The following NPAS3 variants were observed in gnomAD, a reference collection of about 807,000 sequenced individuals.
NPAS3 encodes neuronal PAS domain protein 3.
In NPAS3, 14 loss-of-function variants were observed where a neutral mutation model predicts 73.1. That is an observed-to-expected ratio of 0.19 (90% CI 0.13 to 0.30). The LOEUF is 0.30. Ranked by LOEUF, NPAS3 falls within the 10% of genes least tolerant of loss-of-function variation. The pLI is 1.00. For synonymous variants in NPAS3, 620 were observed against 541.5 expected (o/e 1.14, Z -2.01); for missense variants, 1,096 against 1,250.0 (o/e 0.88, Z 1.86).
chr14:33,116,888 T>A (rs2043083109), intron 2 of NPAS3, among the ~76,000 whole-genome samples: 1 of 152,160 alleles, frequency 6.6e-6, no homozygotes, highest in African/African-American at 2.4e-5. Flanking sequence ...TCCAACCATA[T>A]GCCCAGGAAG....
chr14:33,643,375 TAAA>T (rs755879056), intron 5 of NPAS3, among the ~76,000 whole-genome samples: 15 of 94,634 alleles, frequency 1.6e-4, no homozygotes, highest in East Asian at 3.1e-4. Context: ...AAATAAAAAT[TAAA>T]AAAAAAAAAA....
chr14:33,063,943 T>C (rs2041195016), intron 2 of NPAS3, among the ~76,000 whole-genome samples: 1 of 152,178 alleles, frequency 6.6e-6, no homozygotes, highest in Non-Finnish European at 1.5e-5. Context: ...TCATAATGAC[T>C]ATGGAGATGT....
intron 5 of NPAS3, among the ~76,000 whole-genome samples, chr14:33,599,362 G>A (rs2057335729): frequency 6.6e-6 from 1 of 152,038 alleles, no homozygotes; most frequent in Admixed American, 6.6e-5. Flanking sequence ...TGTACTCATG[G>A]GAAGTCGTAT....
intron 1 of NPAS3, among the ~76,000 whole-genome samples, chr14:32,985,355 C>A (rs1479236875): frequency 6.6e-6 from 1 of 152,066 alleles, no homozygotes; most frequent in Non-Finnish European, 1.5e-5. Context: ...AGTCAGAAAT[C>A]TATAGTACAC....
chr14:33,719,259 C>G (rs1160263326), intron 6 of NPAS3, among the ~76,000 whole-genome samples: 1 of 152,132 alleles, frequency 6.6e-6, no homozygotes, highest in Admixed American at 6.5e-5. Flanking sequence ...TGTTGTTATT[C>G]CAGGATGGGA....
intron 3 of NPAS3, among the ~76,000 whole-genome samples, chr14:33,327,793 T>C (rs2043778882): frequency 6.6e-6 from 1 of 152,178 alleles, no homozygotes; most frequent in African/African-American, 2.4e-5. Context: ...ATAAAGTTAC[T>C]GCAGTTGGCT....
chr14:33,268,533 T>C (rs1219209809), intron 3 of NPAS3, among the ~76,000 whole-genome samples: 1 of 152,142 alleles, frequency 6.6e-6, no homozygotes, highest in Admixed American at 6.5e-5. Flanking sequence ...TCTCCTTTAT[T>C]GTATCTCTTT....
At chr14:33,402,151 A>G (rs570157935) in intron 4 of NPAS3, among the ~76,000 whole-genome samples, 6 of 152,136 alleles carry the variant, frequency 3.9e-5, no homozygotes, top group Admixed American at 2.6e-4. Context: ...TACATATCTC[A>G]TGACAACTGA....
chr14:33,314,885 A>G (rs2043146220), intron 3 of NPAS3, among the ~76,000 whole-genome samples: 1 of 152,128 alleles, frequency 6.6e-6, no homozygotes, highest in African/African-American at 2.4e-5. Flanking sequence ...TGTGGTTTCT[A>G]CTGGCTGGCT....
chr14:33,109,182 A>G (rs1412119765), intron 2 of NPAS3, among the ~76,000 whole-genome samples: 1 of 152,156 alleles, frequency 6.6e-6, no homozygotes, highest in Non-Finnish European at 1.5e-5. Flanking sequence ...GTGTCACAGA[A>G]GGGGTACTTT....
At chr14:33,220,612 G>A (rs1435535611) in intron 3 of NPAS3, among the ~76,000 whole-genome samples, 4 of 152,148 alleles carry the variant, frequency 2.6e-5, no homozygotes, top group Non-Finnish European at 5.9e-5. Context: ...GGCAGGAAGG[G>A]CTTTCTGACA....
At chr14:33,385,333 C>T (rs534553967) in intron 4 of NPAS3, among the ~76,000 whole-genome samples, 7 of 152,088 alleles carry the variant, frequency 4.6e-5, no homozygotes, top group East Asian at 1.9e-4. Context: ...TTATCTGCCA[C>T]GATGCATTTT....
intron 6 of NPAS3, among the ~76,000 whole-genome samples, chr14:33,688,607 A>G (rs541927335): frequency 3.3e-5 from 5 of 152,230 alleles, no homozygotes; most frequent in African/African-American, 1.2e-4. Flanking sequence ...TTCTCATCAG[A>G]CCTCAGGGTG....
At chr14:33,618,877 G>C (rs1368615915) in intron 5 of NPAS3, among the ~76,000 whole-genome samples, 1 of 152,188 alleles carries the variant, frequency 6.6e-6, no homozygotes, top group African/African-American at 2.4e-5. Flanking sequence ...GTTGAAGAAG[G>C]CTCATGACCA....
At chr14:33,686,455 GATCAT>G (rs2060091791) in intron 6 of NPAS3, among the ~76,000 whole-genome samples, 9 of 152,070 alleles carry the variant, frequency 5.9e-5, no homozygotes, top group Admixed American at 5.2e-4. Context: ...CTTCCTTGAG[GATCAT>G]ATTTTATGAG....
intron 2 of NPAS3, among the ~76,000 whole-genome samples, chr14:33,166,564 G>T (rs986977942): frequency 6.6e-6 from 1 of 152,038 alleles, no homozygotes; most frequent in African/African-American, 2.4e-5. Context: ...ATGCCTTTCA[G>T]TTCTCCATAA....
At chr14:33,197,738 A>G (rs1482193073) in intron 2 of NPAS3, among the ~76,000 whole-genome samples, 1 of 152,198 alleles carries the variant, frequency 6.6e-6, no homozygotes, top group Non-Finnish European at 1.5e-5. Context: ...GAGAGATTTA[A>G]CATTTCACCT....
chr14:32,997,888 C>T (rs568128040), intron 1 of NPAS3, among the ~76,000 whole-genome samples: 11 of 152,202 alleles, frequency 7.2e-5, no homozygotes, highest in South Asian at 2.1e-4. Context: ...TCCCTAGTCT[C>T]GCGTATGTCT....
chr14:33,569,754 C>T (rs1201769630), intron 5 of NPAS3, among the ~76,000 whole-genome samples: 2 of 152,154 alleles, frequency 1.3e-5, no homozygotes, highest in East Asian at 3.9e-4. Flanking sequence ...CTACTTTCTT[C>T]GATACTTCTT....
Sources: allele counts gnomAD v4.1 joint callset (sites outside exome capture counted in the v4.1 genomes callset), GRCh38; gene constraint gnomAD v4.1.1; transcripts MANE v1.5; gene names NCBI Gene and HGNC (gene_info 2026-07-23, HGNC 2026-07-21).